ELF1: variants seen among roughly 807,000 people sequenced by gnomAD.
ELF1 encodes E74 like ETS transcription factor 1.
Under a neutral mutation model 59.9 loss-of-function variants are expected in ELF1, and 24 were observed. The ratio of observed to expected loss-of-function variants is 0.40; its 90% CI spans 0.29 to 0.56. ELF1 has a LOEUF of 0.56. Among genes scored for constraint, ELF1 ranks in the 20% least tolerant of loss-of-function variants. The pLI is 0.44. For synonymous variants in ELF1, 248 were observed against 266.2 expected, an observed-to-expected ratio of 0.93 and a Z score of 0.67; for missense variants, 627 against 742.2, an observed-to-expected ratio of 0.84 and a Z score of 1.80.
In ELF1 at chr13:41,014,650, G is replaced by A. The variant is rs116018691; in HGVS notation, c.-229+4578C>T. Among the ~76,000 whole-genome samples, 276 of 152,238 alleles carry A rather than the reference G, an allele frequency of 1.8e-3. 2 individuals carry two copies. Among genetic ancestry groups the A allele is most frequent in the African/African-American group, 6.4e-3 (268 of 41,562 alleles). On this transcript the variant is annotated intron_variant, in intron 1 of 8. Transcript: ENST00000239882. ...GGAAACTGTCCTAATCATTGGAGTT[G>A]ACTCAATAATGGTACTAACTTAATT...
At chr13:40,939,770 G>C (rs150007236) in intron 8 of ELF1, among the ~76,000 whole-genome samples, 1 of 152,086 alleles carries the variant, frequency 6.6e-6, no homozygotes, top group African/African-American at 2.4e-5. Flanking sequence ...TGCTGTGCCG[G>C]GTAAGTATAA....
chr13:40,977,615 C>T (rs996323037), intron 2 of ELF1, among the ~76,000 whole-genome samples: 1 of 152,104 alleles, frequency 6.6e-6, no homozygotes, highest in Non-Finnish European at 1.5e-5. Context: ...TAATCTGGTG[C>T]CTTCAGTGAT....
chr13:40,943,625 T>C (rs965186586), intron 6 of ELF1, among the ~76,000 whole-genome samples: 4 of 152,198 alleles, frequency 2.6e-5, no homozygotes, highest in Non-Finnish European at 4.4e-5. Context: ...ATGAAAAGAA[T>C]AGATTATTTT....
intron 1 of ELF1, among the ~76,000 whole-genome samples, chr13:41,044,088 T>C (rs997024200): frequency 2.8e-4 from 43 of 152,244 alleles, no homozygotes; most frequent in Admixed American, 4.6e-4. Flanking sequence ...CATTATTTGG[T>C]TCTCTGTTTG....
chr13:40,982,550 TA>T (rs5803077), intron 1 of ELF1, among the ~76,000 whole-genome samples: 27,249 of 136,186 alleles, frequency 0.2, 2,680 homozygotes, highest in East Asian at 0.3. Context: ...TACTCAATAT[TA>T]AAAAAAAAAA....
Position 40,958,917 on chromosome 13 carries a change from T to C in ELF1, c.172A>G (p.Asn58Asp). Residue 58 changes from asparagine (N) to aspartate (D), a missense_variant, in exon 3 of 9, where the codon AAT (asparagine) becomes GAT (aspartate). Asn to Asp is a conservative substitution (Grantham distance 23). Transcript: ENST00000239882. ...AGTGAACTCTCAGTAATCATGTCAT[T>C]GGGCTCTTCCACACAGGCTAGACCG... The part of the protein sequence containing the change: ...YAGLACVEEP[N>D]DMITESSLDV... The C allele has an allele frequency of 6.2e-7, 1 of 1,614,080 alleles. No individual in the cohort carries two copies. The highest frequency in any genetic ancestry group is 8.5e-7 in the Non-Finnish European group (1 of 1,180,010).
intron 3 of ELF1, among the ~76,000 whole-genome samples, chr13:40,953,162 G>A (rs904484829): frequency 6.6e-6 from 1 of 151,976 alleles, no homozygotes; most frequent in African/African-American, 2.4e-5. Context: ...TTTCAGTAGA[G>A]ACGGGATTTC....
rs532260515 is a variant in ELF1 at position 41,032,977 on chromosome 13, C to T, written c.-229+27861G>A. On this transcript the variant is annotated intron_variant, in intron 1 of 1. Transcript: ENST00000405737. Reference sequence around the variant, plus strand: ...GGACTGATGACTGACTTGGCTTAACCTTTTGCTTTAGGCCTGAATCACAGA... The same window carrying T: ...GGACTGATGACTGACTTGGCTTAACTTTTTGCTTTAGGCCTGAATCACAGA... Among the ~76,000 whole-genome samples, 12 of 152,194 alleles carry T rather than the reference C, an allele frequency of 7.9e-5. No homozygotes were observed. In the East Asian group the frequency reaches 2.3e-3, roughly 29 times the overall value.
At chr13:40,987,593 A>AG (rs1334745210) in intron 1 of ELF1, among the ~76,000 whole-genome samples, 2 of 127,632 alleles carry the variant, frequency 1.6e-5, no homozygotes, top group Non-Finnish European at 3.6e-5. Context: ...TCAAAAAAAA[A>AG]AAAAAAAAAA....
intron 1 of ELF1, among the ~76,000 whole-genome samples, chr13:41,037,090 A>T (rs1215293822): frequency 6.6e-6 from 1 of 151,872 alleles, no homozygotes; most frequent in Non-Finnish European, 1.5e-5. Flanking sequence ...GTACCCTAGA[A>T]CTTAAAGTAT....
chr13:40,943,854 T>G lies in ELF1; in HGVS notation c.601A>C (p.Lys201Gln). The G allele has an allele frequency of 1.2e-6, 2 of 1,613,656 alleles. No individual in the cohort carries two copies. Among genetic ancestry groups the G allele is most frequent in the Non-Finnish European group, 1.7e-6 (2 of 1,179,724 alleles). ...TACACAGTAGTACCCTTTCCATCTT[T>G]GTTTTTCTTCTTCACAGATATATTT... ...TPNISVKKKN[K>Q]DGKGNTIYLW... Residue 201 changes from lysine to glutamine, a missense_variant, in exon 6 of 9, where the codon AAA becomes CAA. By Grantham distance (53) the Lys-to-Gln change is moderately conservative (BLOSUM62 1). Coordinates refer to ENST00000239882, the MANE Select transcript of ELF1 (RefSeq NM_172373.4).
chr13:41,031,754 G>C (rs1359094206), intron 1 of ELF1, among the ~76,000 whole-genome samples: 2 of 149,402 alleles, frequency 1.3e-5, no homozygotes, highest in African/African-American at 2.5e-5. Flanking sequence ...GGGAGGCAGA[G>C]GTTGCTGTGA....
rs184728953 is a variant in ELF1, at chr13:40,935,797, C to T, written c.1257-1769G>A. On this transcript the variant is annotated intron_variant, in intron 8 of 8. Coordinates refer to ENST00000239882, the MANE Select transcript of ELF1 (RefSeq NM_172373.4). ...CAAGCAATTCTCTGCCTCAGCCTCCCGAGTAGCTGGGATTATAGGCACCCG... is the reference window on the plus strand; with the variant it reads ...CAAGCAATTCTCTGCCTCAGCCTCCTGAGTAGCTGGGATTATAGGCACCCG... Among the ~76,000 whole-genome samples, 28 of 151,942 alleles carry T rather than the reference C, an allele frequency of 1.8e-4. No homozygotes were observed. The East Asian group carries it at 3.9e-3, about 21-fold the overall frequency.
At chr13:40,950,207 T>C (rs751100286) in intron 4 of ELF1, among the ~76,000 whole-genome samples, 1 of 152,212 alleles carries the variant, frequency 6.6e-6, no homozygotes, top group Admixed American at 6.5e-5. Flanking sequence ...GTCTGTCTCA[T>C]CTCTCCTCTT....
chr13:40,936,715 C>G lies in ELF1; in HGVS notation c.1257-2687G>C, dbSNP rs150166898. Among the ~76,000 whole-genome samples, 1,156 of 141,604 alleles carry G rather than the reference C, an allele frequency of 8.2e-3. 16 individuals are homozygous for G. Among genetic ancestry groups the G allele is most frequent in the African/African-American group, 0.029 (1,113 of 38,494 alleles). The allele number at this position is 141,604 out of a possible 152,430, so 92.9% of individuals were successfully genotyped here. On this transcript the variant is annotated intron_variant, in intron 8 of 8. Coordinates refer to ENST00000239882, the MANE Select transcript of ELF1 (RefSeq NM_172373.4). ...GGCGGAGCTTGCAGTGAGCCGAGATCGCGCCACTGCACTCCAGCCTGGTTG... is the reference window on the plus strand; with the variant it reads ...GGCGGAGCTTGCAGTGAGCCGAGATGGCGCCACTGCACTCCAGCCTGGTTG...
At chr13:41,046,519 G>T (rs1020160031) in intron 1 of ELF1, among the ~76,000 whole-genome samples, 2 of 152,102 alleles carry the variant, frequency 1.3e-5, no homozygotes, top group African/African-American at 2.4e-5. Context: ...GTCTGTAAAG[G>T]ATTTTATTTC....
chr13:40,935,920 G>A lies in ELF1; in HGVS notation c.1257-1892C>T, dbSNP rs975625807. 1.4e-4 allele frequency among the ~76,000 whole-genome samples: 22 copies of A among 152,014 alleles called. 1 individual carries two copies. The highest frequency in any genetic ancestry group is 1.1e-3 in the Admixed American group (17 of 15,262). On this transcript the variant is annotated intron_variant, in intron 8 of 8. Coordinates refer to ENST00000239882, the MANE Select transcript of ELF1 (RefSeq NM_172373.4). ...GAACTCCTGACATCATTGGCATCAC[G>A]TGAGCCACCGTGCCCAGCCCAGATA...
chr13:40,961,069 T>C (rs1463855536), intron 2 of ELF1, among the ~76,000 whole-genome samples: 2 of 152,216 alleles, frequency 1.3e-5, no homozygotes, highest in Non-Finnish European at 2.9e-5. Context: ...TTCAAAATAT[T>C]ATTTATGGTT....
chr13:40,953,346 A>G (rs1375632684), intron 3 of ELF1, among the ~76,000 whole-genome samples: 2 of 152,146 alleles, frequency 1.3e-5, no homozygotes, highest in Admixed American at 1.3e-4. Context: ...TGACATGCTA[A>G]CCCCCAGTAC....
Sources: gnomAD v4.1 joint callset for allele counts (sites outside exome capture counted in the v4.1 genomes callset) on GRCh38, gnomAD v4.1.1 for gene constraint, MANE v1.5 for transcripts, NCBI Gene and HGNC (gene_info 2026-07-23, HGNC 2026-07-21) for gene names.